The following RABGAP1 variants were observed in gnomAD, a reference collection of about 807,000 sequenced individuals.
The protein encoded by RABGAP1 is rab GTPase-activating protein 1.
A neutral mutation model predicts 137.6 loss-of-function variants in RABGAP1; 23 were observed. That is an observed-to-expected ratio of 0.17 (90% CI 0.12 to 0.24). The LOEUF is 0.24. RABGAP1 is among the 10% of genes least tolerant of loss of function. The probability of loss-of-function intolerance (pLI) is 1.00; values close to 1 mark genes in which losing one functional copy is unlikely to be tolerated. For missense variants in RABGAP1, 906 were observed against 1,275.8 expected (o/e 0.71, Z 4.42); for synonymous variants, 451 against 450.7 (o/e 1.00, Z -0.01).
At chr9:123,011,568 T>G (rs1262973844) in intron 11 of RABGAP1, among the ~76,000 whole-genome samples, 1 of 152,240 alleles carries the variant, frequency 6.6e-6, no homozygotes, top group East Asian at 1.9e-4. Context: ...TTAGCATCAT[T>G]TATTAGTAAT....
At chr9:122,933,440 A>AATTATTATTATTATTATTATTATT in the RABGAP1 span, among the ~76,000 whole-genome samples, 2 of 146,054 alleles carry the variant, frequency 1.4e-5, no homozygotes, top group Admixed American at 6.8e-5. Context: ...TTTTTCATTA[A>AATTATTATTATTATTATTATTATT]ATTATTATTA....
intron 11 of RABGAP1, among the ~76,000 whole-genome samples, chr9:123,010,947 C>T (rs548908369): frequency 6.6e-6 from 1 of 151,224 alleles, no homozygotes; most frequent in Non-Finnish European, 1.5e-5. Flanking sequence ...TAAATATATA[C>T]GTTTATATAT....
chr9:122,955,547 A>G (rs1834469652), intron 1 of RABGAP1, among the ~76,000 whole-genome samples: 1 of 152,250 alleles, frequency 6.6e-6, no homozygotes, highest in African/African-American at 2.4e-5. Context: ...CCAGGCTTCT[A>G]GCCTTAGCTG....
chr9:123,094,206 T>G (rs560756288), intron 21 of RABGAP1, among the ~76,000 whole-genome samples: 2 of 152,324 alleles, frequency 1.3e-5, no homozygotes, highest in East Asian at 1.9e-4. Context: ...ACAGTTTTTC[T>G]TCCTTTCATA....
chr9:122,967,238 T>A (rs1835209302), intron 2 of RABGAP1, among the ~76,000 whole-genome samples: 1 of 152,132 alleles, frequency 6.6e-6, no homozygotes, highest in Admixed American at 6.5e-5. Context: ...TTGGAGAGAT[T>A]GGACTGTAGT....
At chr9:122,980,308 A>C (rs990822224) in intron 2 of RABGAP1, among the ~76,000 whole-genome samples, 2 of 152,116 alleles carry the variant, frequency 1.3e-5, no homozygotes, top group Non-Finnish European at 2.9e-5. Context: ...CTCTTTTTTA[A>C]GACAAGGGGT....
At chr9:123,052,084 C>T (rs1009243049) in intron 13 of RABGAP1, among the ~76,000 whole-genome samples, 2 of 151,660 alleles carry the variant, frequency 1.3e-5, no homozygotes, top group Middle Eastern at 3.2e-3. Flanking sequence ...GGATTACAGG[C>T]GTGAGCCACC....
At chr9:123,000,466 C>T in intron 10 of RABGAP1, among the ~76,000 whole-genome samples, 1 of 152,140 alleles carries the variant, frequency 6.6e-6, no homozygotes, top group East Asian at 1.9e-4. Context: ...TAATCTGAGT[C>T]CTCATCTTGA....
chr9:123,023,712 T>C (rs971355179), intron 13 of RABGAP1, among the ~76,000 whole-genome samples: 8 of 152,232 alleles, frequency 5.3e-5, no homozygotes, highest in African/African-American at 1.9e-4. Flanking sequence ...AAAACTGCTA[T>C]AAACATTCTT....
intron 10 of RABGAP1, among the ~76,000 whole-genome samples, 185 bp downstream of exon 10, chr9:122,998,951 A>T (rs1837181094): frequency 6.6e-6 from 1 of 152,186 alleles, no homozygotes; most frequent in Non-Finnish European, 1.5e-5. Flanking sequence ...TTCTTCCCAA[A>T]GATCCACATT....
intron 13 of RABGAP1, chr9:123,035,635 T>G: frequency 2.3e-6 from 3 of 1,327,376 alleles, no homozygotes; most frequent in Non-Finnish European, 3.1e-6. Context: ...AGTTACGGGG[T>G]TCCCGTGTGT....
chr9:123,048,043 G>A (rs774021181), intron 13 of RABGAP1, among the ~76,000 whole-genome samples: 22 of 145,758 alleles, frequency 1.5e-4, no homozygotes, highest in Non-Finnish European at 2.5e-4. Context: ...AGGTTCAAGC[G>A]ATTCTCCTGC....
At chr9:122,943,050 T>TAGTC (rs199601743) in intron 1 of RABGAP1, among the ~76,000 whole-genome samples, 2,187 of 148,506 alleles carry the variant, frequency 0.015, 33 homozygotes, top group South Asian at 0.062. Flanking sequence ...ATCTGAGATA[T>TAGTC]AGTCATGTTG....
chr9:122,960,635 A>G (rs1307078731), intron 2 of RABGAP1, among the ~76,000 whole-genome samples: 1 of 152,228 alleles, frequency 6.6e-6, no homozygotes, highest in Non-Finnish European at 1.5e-5. Context: ...CAGAGAAACA[A>G]GAAAATATGA....
intron 6 of RABGAP1, among the ~76,000 whole-genome samples, chr9:122,994,922 G>C (rs976727741): frequency 2.0e-5 from 3 of 152,066 alleles, no homozygotes; most frequent in African/African-American, 7.2e-5. Flanking sequence ...TTCGAGACCA[G>C]CCTGGGCAAC....
intron 13 of RABGAP1, among the ~76,000 whole-genome samples, chr9:123,063,968 C>T (rs927571335): frequency 1.2e-4 from 18 of 152,312 alleles, no homozygotes; most frequent in Non-Finnish European, 2.1e-4. Context: ...GCATATTCCT[C>T]ACTAGCACTC....
In RABGAP1 at chr9:123,034,808, G is replaced by C. The variant is rs201129312; in HGVS notation, c.1794+14349G>C. On this transcript the variant is annotated intron_variant, in intron 13 of 25. Coordinates refer to ENST00000373647, the MANE Select transcript of RABGAP1 (RefSeq NM_012197.4). Reference sequence around the variant, plus strand: ...TATGCTGACCTTTTTGTTGGGGTGAGCTGCGTGGTCCCTTCTTTATCACTC... The same window carrying C: ...TATGCTGACCTTTTTGTTGGGGTGACCTGCGTGGTCCCTTCTTTATCACTC... 4 of 1,613,886 alleles carry C rather than the reference G, an allele frequency of 2.5e-6. No homozygotes were observed. The Admixed American group carries it at 5.0e-5, about 20-fold the overall frequency.
Position 122,984,589 on chromosome 9 carries a change from G to A in RABGAP1, c.255G>A (p.Arg85=), listed in dbSNP as rs1836266865. The A allele has an allele frequency of 5.0e-6, 8 of 1,614,068 alleles. No homozygotes were observed. The East Asian group carries it at 6.7e-5, about 13-fold the overall frequency. The part of the protein sequence containing the change: ...DQPGEKELVK[R]SQLDGEGDGP... The stretch of plus-strand genomic sequence containing the variant: ...CAGGGGAAAAGGAGCTTGTGAAAAG[G>A]TCACAACTGGATGGTGAAGGAGATG... The change falls in exon 3 of 26, where the codon AGG becomes AGA. Residue 85 remains arginine (R), a synonymous_variant. Transcript: ENST00000373647.
chr9:122,981,020 G>GTTT (rs368223158), intron 2 of RABGAP1, among the ~76,000 whole-genome samples: 295 of 151,632 alleles, frequency 1.9e-3, no homozygotes, highest in African/African-American at 6.4e-3. Flanking sequence ...ATCTGTGGAG[G>GTTT]TTTTTTGTTG....
Sources: gnomAD v4.1 joint callset for allele counts (sites outside exome capture counted in the v4.1 genomes callset) on GRCh38, gnomAD v4.1.1 for gene constraint, MANE v1.5 for transcripts, NCBI Gene and HGNC (gene_info 2026-07-23, HGNC 2026-07-21) for gene names.